PABPC4L: variants seen among roughly 807,000 people sequenced by gnomAD.
PABPC4L encodes the protein polyadenylate-binding protein 4-like.
For missense variants in PABPC4L, 452 were observed against 451.4 expected, an observed-to-expected ratio of 1.00 and a Z score of -0.01; for synonymous variants, 169 against 164.1, an observed-to-expected ratio of 1.03 and a Z score of -0.23.
the PABPC4L span, among the ~76,000 whole-genome samples, chr4:134,011,419 C>G: frequency 4.6e-5 from 7 of 151,976 alleles, no homozygotes; most frequent in Non-Finnish European, 7.4e-5. Flanking sequence ...ATTCTTGAAA[C>G]ATTTTGTAAA....
chr4:134,102,139 C>A, the PABPC4L span, among the ~76,000 whole-genome samples: 1 of 151,414 alleles, frequency 6.6e-6, no homozygotes, highest in Non-Finnish European at 1.5e-5. Context: ...GACCTCTATA[C>A]ATAAATTGAC....
At chr4:134,129,233 T>G in the PABPC4L span, among the ~76,000 whole-genome samples, 1 of 152,058 alleles carries the variant, frequency 6.6e-6, no homozygotes, top group Non-Finnish European at 1.5e-5. Flanking sequence ...AGTGGGGGAC[T>G]TTAATACTCC....
chr4:134,040,896 A>T, the PABPC4L span, among the ~76,000 whole-genome samples: 1 of 152,150 alleles, frequency 6.6e-6, no homozygotes, highest in Non-Finnish European at 1.5e-5. Flanking sequence ...ACAAAACCCC[A>T]TCAAGAAGTG....
At chr4:134,040,551 C>A in the PABPC4L span, among the ~76,000 whole-genome samples, 112 of 152,230 alleles carry the variant, frequency 7.4e-4, 1 homozygote, top group African/African-American at 2.5e-3. Context: ...TGGATCCCTT[C>A]CTTACACCTT....
the PABPC4L span, among the ~76,000 whole-genome samples, chr4:134,015,693 C>T: frequency 3.3e-5 from 5 of 152,122 alleles, no homozygotes; most frequent in Admixed American, 6.6e-5. Context: ...CAACTCCTTT[C>T]CTTCCTAGGC....
At chr4:134,089,341 T>C in the PABPC4L span, among the ~76,000 whole-genome samples, 6 of 152,254 alleles carry the variant, frequency 3.9e-5, 1 homozygote, top group Admixed American at 3.9e-4. Context: ...TCCCTCATTA[T>C]TGAGATCCTC....
chr4:134,121,550 C>T, the PABPC4L span, among the ~76,000 whole-genome samples: 1 of 151,668 alleles, frequency 6.6e-6, no homozygotes, highest in South Asian at 2.1e-4. Context: ...TCAATTTCCC[C>T]AGAATATAGC....
chr4:134,177,867 C>T, the PABPC4L span, among the ~76,000 whole-genome samples: 63 of 152,116 alleles, frequency 4.1e-4, no homozygotes, highest in Admixed American at 6.5e-4. Flanking sequence ...GTGCAGGGCT[C>T]ATGACCCCAC....
the PABPC4L span, among the ~76,000 whole-genome samples, chr4:134,119,139 C>T: frequency 1.3e-5 from 2 of 151,396 alleles, no homozygotes; most frequent in African/African-American, 2.4e-5. Context: ...CAAGTATTAT[C>T]GCATAACCAC....
At chr4:134,025,029 G>T in the PABPC4L span, among the ~76,000 whole-genome samples, 2 of 148,736 alleles carry the variant, frequency 1.3e-5, no homozygotes, top group East Asian at 4.1e-4. Context: ...ACCTTGGCCT[G>T]CCAAAGTGCT....
At chr4:134,077,958 C>CA in the PABPC4L span, among the ~76,000 whole-genome samples, 149 of 151,718 alleles carry the variant, frequency 9.8e-4, no homozygotes, top group Non-Finnish European at 1.8e-3. Flanking sequence ...AACCACCCCA[C>CA]AAAAAAACAA....
At chr4:134,013,682 G>C in the PABPC4L span, among the ~76,000 whole-genome samples, 3 of 151,830 alleles carry the variant, frequency 2.0e-5, no homozygotes, top group African/African-American at 7.3e-5. Context: ...TTTACACATC[G>C]GTCCCTCCCT....
chr4:134,140,145 C>A, the PABPC4L span, among the ~76,000 whole-genome samples: 1 of 151,652 alleles, frequency 6.6e-6, no homozygotes, highest in Non-Finnish European at 1.5e-5. Context: ...ACTGAAATAT[C>A]TAACCTAAAG....
At chr4:134,176,204 T>C in the PABPC4L span, among the ~76,000 whole-genome samples, 1 of 152,100 alleles carries the variant, frequency 6.6e-6, no homozygotes, top group Non-Finnish European at 1.5e-5. Context: ...GTGAAGGTAT[T>C]AAATTTTTAT....
At chr4:134,128,112 G>C in the PABPC4L span, among the ~76,000 whole-genome samples, 1,458 of 152,004 alleles carry the variant, frequency 9.6e-3, 25 homozygotes, top group African/African-American at 0.033. Flanking sequence ...CGAAGACAAA[G>C]AAAAAAGAAT....
chr4:134,021,274 A>G, the PABPC4L span, among the ~76,000 whole-genome samples: 2 of 152,184 alleles, frequency 1.3e-5, no homozygotes, highest in Non-Finnish European at 1.5e-5. Flanking sequence ...CTAACCATCA[A>G]AAGAGCAACT....
chr4:134,133,458 A>G, the PABPC4L span, among the ~76,000 whole-genome samples: 1 of 146,598 alleles, frequency 6.8e-6, no homozygotes, highest in African/African-American at 2.5e-5. Flanking sequence ...ATATAATAAG[A>G]TATCATATAT....
At chr4:134,112,666 C>T in the PABPC4L span, among the ~76,000 whole-genome samples, 1 of 151,514 alleles carries the variant, frequency 6.6e-6, no homozygotes, top group Non-Finnish European at 1.5e-5. Context: ...CATATATGCA[C>T]ACTAATGTAT....
the PABPC4L span, among the ~76,000 whole-genome samples, chr4:134,021,930 G>C: frequency 3.3e-5 from 5 of 152,006 alleles, no homozygotes; most frequent in East Asian, 3.9e-4. Context: ...AAATAAGCTA[G>C]ACTTTCCTTG....
Sources: allele counts gnomAD v4.1 joint callset (sites outside exome capture counted in the v4.1 genomes callset), GRCh38; gene constraint gnomAD v4.1.1; transcripts MANE v1.5; gene names NCBI Gene and HGNC (gene_info 2026-07-23, HGNC 2026-07-21).